CAMKV: variants seen among roughly 807,000 people sequenced by gnomAD.
CAMKV encodes the protein CaM kinase like vesicle associated, also known as caM kinase-like vesicle-associated protein.
In CAMKV, 5 loss-of-function variants were observed where a neutral mutation model predicts 50.2. The observed-to-expected ratio is 0.10, with a 90% CI of 0.05 to 0.21. The LOEUF is 0.21. CAMKV is among the 10% of genes least tolerant of loss of function. CAMKV has a pLI of 1.00. For synonymous variants in CAMKV, 229 were observed against 250.1 expected, an observed-to-expected ratio of 0.92 and a Z score of 0.80; for missense variants, 361 against 650.5, an observed-to-expected ratio of 0.55 and a Z score of 4.84.
Position 49,862,480 on chromosome 3 carries a change from C to G in CAMKV, c.-14-78G>C. 2 of 1,319,264 alleles carry G rather than the reference C, an allele frequency of 1.5e-6. No homozygotes were observed. The highest frequency in any genetic ancestry group is 1.1e-6 in the Non-Finnish European group (1 of 915,178). The allele number at this position is 1,319,264 out of a possible 1,614,324, so 81.7% of individuals were successfully genotyped here. ...ACATAGGGGCTGCTTTTGGGAGACCCCAACCTGGCTCAGGCCAAGCTAGGG... is the reference window on the plus strand; with the variant it reads ...ACATAGGGGCTGCTTTTGGGAGACCGCAACCTGGCTCAGGCCAAGCTAGGG... On this transcript the variant is annotated intron_variant, in intron 1 of 10. Coordinates refer to ENST00000477224, the MANE Select transcript of CAMKV (RefSeq NM_024046.5). This position sits in a 1 kb window ranked among gnomAD's most constrained non-coding sequence, Gnocchi z 5.2.
chr3:49,860,085 G>T lies in CAMKV; in HGVS notation c.942+86C>A. 7.9e-7 allele frequency: 1 copy of T among 1,261,356 alleles called. No individual in the cohort carries two copies. The highest frequency in any genetic ancestry group is 1.2e-6 in the Non-Finnish European group (1 of 863,954). 78.1% of individuals were successfully genotyped at this position (1,261,356 alleles called of 1,614,324 possible). A position where few individuals can be genotyped will look rare whatever the true frequency, so the allele number is the denominator to read the frequency against. ...ATGGCCTGAGAAAAGCTTGTGTGTG[G>T]CTGCAGGGGTGTGATGCAGGCAAGA... is the stretch of plus-strand genomic sequence containing the variant. On this transcript the variant is annotated intron_variant, in intron 10 of 10. Coordinates refer to ENST00000477224, the MANE Select transcript of CAMKV (RefSeq NM_024046.5). This position sits in a 1 kb window ranked among gnomAD's most constrained non-coding sequence, Gnocchi z 6.1.
intron 1 of CAMKV, among the ~76,000 whole-genome samples, chr3:49,867,542 G>A (rs1041004491): frequency 6.6e-6 from 1 of 152,210 alleles, no homozygotes; most frequent in Non-Finnish European, 1.5e-5. Flanking sequence ...TTCCCTGTGG[G>A]TGGAGGAGGG....
At chr3:49,866,360 G>C (rs2082065622) in intron 1 of CAMKV, among the ~76,000 whole-genome samples, 1 of 152,220 alleles carries the variant, frequency 6.6e-6, no homozygotes, top group African/African-American at 2.4e-5. Context: ...AAGAGAGGAG[G>C]CCAAGTGGAA....
At position 49,860,299 on chromosome 3, in the gene CAMKV, C is replaced by A. The variant is rs751741882; in HGVS notation, c.855-41G>T. 1 of 1,594,554 alleles carries A rather than the reference C, an allele frequency of 6.3e-7. No individual in the cohort carries two copies. Among genetic ancestry groups the A allele is most frequent in the Admixed American group, 1.7e-5 (1 of 59,962 alleles). On this transcript the variant is annotated intron_variant, in intron 9 of 10. Coordinates refer to ENST00000477224, the MANE Select transcript of CAMKV (RefSeq NM_024046.5). The surrounding 1 kb of genome is among the most constrained non-coding windows in gnomAD (Gnocchi z 6.1). ...GTGTGTCTGGATCTGAGAGAATGAG[C>A]CTTTGTGGAGACTCTGCTCAGCCCT...
In CAMKV at chr3:49,859,916, A is replaced by G; in HGVS notation, c.943-35T>C. ...GCACAGTGGAGAAAGGCTAAGGGTG[A>G]GGCTTGCTGGATCCATTGCTTGGCA... is the stretch of plus-strand genomic sequence containing the variant. On this transcript the variant is annotated intron_variant, in intron 10 of 10. Coordinates refer to ENST00000477224, the MANE Select transcript of CAMKV (RefSeq NM_024046.5). This position sits in a 1 kb window ranked among gnomAD's most constrained non-coding sequence, Gnocchi z 5.5. 1 of 1,499,226 alleles carries G rather than the reference A, an allele frequency of 6.7e-7. No individual in the cohort carries two copies. The highest frequency in any genetic ancestry group is 1.3e-5 in the South Asian group (1 of 75,014). 92.9% of individuals were successfully genotyped at this position (1,499,226 alleles called of 1,614,324 possible).
chr3:49,865,399 G>A (rs2082056838), intron 1 of CAMKV, among the ~76,000 whole-genome samples: 1 of 152,182 alleles, frequency 6.6e-6, no homozygotes, highest in African/African-American at 2.4e-5. Flanking sequence ...AGGCTGGGAG[G>A]GACCTGTGCC....
Position 49,861,360 on chromosome 3 carries a change from G to C in CAMKV, c.442-60C>G, listed in dbSNP as rs556570541. The C allele has an allele frequency of 2.5e-6, 4 of 1,613,294 alleles. No individual in the cohort carries two copies. The South Asian group carries it at 4.4e-5, about 18-fold the overall frequency. On this transcript the variant is annotated intron_variant, in intron 5 of 10. Transcript: ENST00000477224. The surrounding 1 kb of genome is among the most constrained non-coding windows in gnomAD (Gnocchi z 7.7). The stretch of plus-strand genomic sequence containing the variant: ...GACACCATGAGGACCTTGGAGGCTA[G>C]ACCAAGGCCCTGAGGTGCTGCCCAC...
chr3:49,861,618 A>G lies in CAMKV; in HGVS notation c.303-41T>C. 1.2e-6 allele frequency: 2 copies of G among 1,613,516 alleles called. No homozygotes were observed. Among genetic ancestry groups the G allele is most frequent in the Admixed American group, 3.3e-5 (2 of 60,002 alleles). On this transcript the variant is annotated intron_variant, in intron 4 of 10. Coordinates refer to ENST00000477224, the MANE Select transcript of CAMKV (RefSeq NM_024046.5). This position sits in a 1 kb window ranked among gnomAD's most constrained non-coding sequence, Gnocchi z 7.7. ...CCCTGAGCCTGGCGTGGGCAGAATC[A>G]GGGGTAGGGCAGGAGCACTTGGGTG... is the stretch of plus-strand genomic sequence containing the variant.
intron 1 of CAMKV, among the ~76,000 whole-genome samples, chr3:49,868,142 T>G (rs1575410727): frequency 6.6e-6 from 1 of 152,052 alleles, no homozygotes; most frequent in South Asian, 2.1e-4. Flanking sequence ...GCAGCTTAGG[T>G]AAAGCAGGTC....
At chr3:49,864,777 C>T (rs370482943) in intron 1 of CAMKV, among the ~76,000 whole-genome samples, 1 of 152,176 alleles carries the variant, frequency 6.6e-6, no homozygotes, top group Non-Finnish European at 1.5e-5. Context: ...CCTGGGGGTA[C>T]CTAGATGCTC....
At position 49,859,571 on chromosome 3, in the gene CAMKV, A is replaced by T; in HGVS notation, c.1253T>A (p.Val418Asp). 6.2e-7 allele frequency: 1 copy of T among 1,613,740 alleles called. No individual in the cohort carries two copies. The highest frequency in any genetic ancestry group is 8.5e-7 in the Non-Finnish European group (1 of 1,179,912). The change falls in exon 11 of 11, where the codon GTC (valine) becomes GAC (aspartate). Residue 418 changes from valine (V) to aspartate (D), a missense_variant. By Grantham distance (152) the Val-to-Asp change is radical. Coordinates refer to ENST00000477224, the MANE Select transcript of CAMKV (RefSeq NM_024046.5). The surrounding 1 kb of genome is among the most constrained non-coding windows in gnomAD (Gnocchi z 5.5). ...AGCGCTCCTGTCAGTGGCTGGGGTG[A>T]CACTCCCATCAGTGGCTGGAGTGAT... The part of the protein sequence containing the change: ...GSITPATDGS[V>D]TPATDRSATP...
chr3:49,861,864 C>T lies in CAMKV; in HGVS notation c.229G>A (p.Val77Met). 6.2e-7 allele frequency: 1 copy of T among 1,613,798 alleles called. No homozygotes were observed. The highest frequency in any genetic ancestry group is 8.5e-7 in the Non-Finnish European group (1 of 1,179,846). The change falls in exon 4 of 11, where the codon GTG becomes ATG. Residue 77 changes from valine (V) to methionine (M), a missense_variant and splice_region_variant. Physicochemically the swap from Val to Met is conservative, Grantham distance 21. Coordinates refer to ENST00000477224, the MANE Select transcript of CAMKV (RefSeq NM_024046.5). This position sits in a 1 kb window ranked among gnomAD's most constrained non-coding sequence, Gnocchi z 7.7. ...AKNEIGILKM[V>M]KHPNILQLVD... ...AGCTGTAGGATGTTGGGATGCTTCA[C>T]CCTGGCGACAGGGAGGGGAGCCAGT...
chr3:49,868,857 C>T (rs578038672), intron 1 of CAMKV, among the ~76,000 whole-genome samples: 2 of 152,276 alleles, frequency 1.3e-5, no homozygotes, highest in South Asian at 2.1e-4. Flanking sequence ...GACAGAGGGC[C>T]CTGATCCTTA....
Position 49,862,419 on chromosome 3 carries a change from G to C in CAMKV, c.-14-17C>G. The C allele has an allele frequency of 6.2e-7, 1 of 1,600,206 alleles. No homozygotes were observed. The highest frequency in any genetic ancestry group is 8.6e-7 in the Non-Finnish European group (1 of 1,167,180). ...GGCTCTAACCTGCGGGCACAATGGG[G>C]TCTGGCTTAGCTGTACTACTCTCCA... On this transcript the variant is annotated splice_polypyrimidine_tract_variant and intron_variant, in intron 1 of 10. Coordinates refer to ENST00000477224, the MANE Select transcript of CAMKV (RefSeq NM_024046.5). This position sits in a 1 kb window ranked among gnomAD's most constrained non-coding sequence, Gnocchi z 5.2.
Position 49,860,898 on chromosome 3 carries a change from C to A in CAMKV, c.638+45G>T. On this transcript the variant is annotated intron_variant, in intron 7 of 10. Coordinates refer to ENST00000477224, the MANE Select transcript of CAMKV (RefSeq NM_024046.5). The surrounding 1 kb of genome is among the most constrained non-coding windows in gnomAD (Gnocchi z 6.1). ...ACAGAAAGGCCACAGACACATGCCCCCACCCCATCTGACTGCAAGCCTGCT... is the reference window on the plus strand; with the variant it reads ...ACAGAAAGGCCACAGACACATGCCCACACCCCATCTGACTGCAAGCCTGCT... 1 of 1,613,794 alleles carries A rather than the reference C, an allele frequency of 6.2e-7. No individual in the cohort carries two copies. Among genetic ancestry groups the A allele is most frequent in the Non-Finnish European group, 8.5e-7 (1 of 1,179,780 alleles).
chr3:49,864,761 C>T (rs1182452181), intron 1 of CAMKV, among the ~76,000 whole-genome samples: 1 of 152,220 alleles, frequency 6.6e-6, no homozygotes, highest in Non-Finnish European at 1.5e-5. Context: ...AGGGCCTGAG[C>T]TAGGGCCTGG....
intron 1 of CAMKV, among the ~76,000 whole-genome samples, chr3:49,865,794 C>T (rs1171295207): frequency 6.6e-6 from 1 of 152,270 alleles, no homozygotes; most frequent in Non-Finnish European, 1.5e-5. Context: ...GAGATACCTT[C>T]CACAACCTCC....
In CAMKV at chr3:49,859,991, C is replaced by A; in HGVS notation, c.943-110G>T. ...AGTACCCCCGGCCACCTCCATCCACCCCAGGGCCAAGTACTCAGCTGCTCA... is the reference window on the plus strand; with the variant it reads ...AGTACCCCCGGCCACCTCCATCCACACCAGGGCCAAGTACTCAGCTGCTCA... On this transcript the variant is annotated intron_variant, in intron 10 of 10. Coordinates refer to ENST00000477224, the MANE Select transcript of CAMKV (RefSeq NM_024046.5). This position sits in a 1 kb window ranked among gnomAD's most constrained non-coding sequence, Gnocchi z 5.5. 1 of 1,152,398 alleles carries A rather than the reference C, an allele frequency of 8.7e-7. No individual in the cohort carries two copies. The highest frequency in any genetic ancestry group is 1.2e-6 in the Non-Finnish European group (1 of 827,662). 71.4% of individuals were successfully genotyped at this position (1,152,398 alleles called of 1,614,324 possible).
intron 1 of CAMKV, among the ~76,000 whole-genome samples, chr3:49,867,107 G>C (rs2082071088): frequency 6.6e-6 from 1 of 152,226 alleles, no homozygotes; most frequent in Non-Finnish European, 1.5e-5. Flanking sequence ...CTCTCTCAAG[G>C]GCTGGGGCTG....
Sources: allele counts gnomAD v4.1 joint callset (sites outside exome capture counted in the v4.1 genomes callset), GRCh38; gene constraint gnomAD v4.1.1; non-coding constraint Gnocchi (gnomAD v3.1); transcripts MANE v1.5; gene names NCBI Gene and HGNC (gene_info 2026-07-23, HGNC 2026-07-21).